The following TCF25 variants were observed in gnomAD, a reference collection of about 807,000 sequenced individuals.
TCF25 encodes the protein TCF25 ribosome quality control complex subunit.
TCF25 carries 41 observed loss-of-function variants against 83.1 expected under a neutral mutation model. The ratio of observed to expected loss-of-function variants is 0.49; its 90% CI spans 0.38 to 0.64. The LOEUF (loss-of-function observed/expected upper bound fraction) is 0.64, where lower values mean the gene tolerates loss of function less well. Among genes scored for constraint, TCF25 ranks in the 30% least tolerant of loss-of-function variants. The pLI, the probability that TCF25 is intolerant of heterozygous loss-of-function variation, is 0.00. For synonymous variants in TCF25, 458 were observed against 365.0 expected (o/e 1.25, Z -2.90); for missense variants, 979 against 914.5 (o/e 1.07, Z -0.91).
intron 12 of TCF25, among the ~76,000 whole-genome samples, chr16:89,901,259 C>T (rs962369791): frequency 7.2e-5 from 11 of 152,264 alleles, no homozygotes; most frequent in Non-Finnish European, 1.6e-4. Context: ...AGCTTCGATC[C>T]ACGCACATGT....
intron 7 of TCF25, 50 bp from the exon 8 acceptor site, chr16:89,894,988 T>C: frequency 6.5e-7 from 1 of 1,547,756 alleles, no homozygotes. Context: ...GCCTGGGAGC[T>C]GGGGCCTTGC....
rs11538871 is a variant in TCF25, at chr16:89,911,337, C to T, written c.*99C>T. 0.069 allele frequency: 101,376 copies of T among 1,477,180 alleles called. 4,156 individuals are homozygous for T. The highest frequency in any genetic ancestry group is 0.084 in the Non-Finnish European group (91,062 of 1,077,942). The allele number at this position is 1,477,180 out of a possible 1,614,324, so 91.5% of individuals were successfully genotyped here. On this transcript the variant is annotated 3_prime_UTR_variant, in exon 18 of 18. Coordinates refer to ENST00000263346, the MANE Select transcript of TCF25 (RefSeq NM_014972.3). ...CCTGAAGTAGGGAAGCTGAGTGTGT[C>T]GCTCCCTGGTCCACTGTTTCTCCTA...
At chr16:89,902,882 G>A (rs575764902) in intron 12 of TCF25, among the ~76,000 whole-genome samples, 220 of 152,242 alleles carry the variant, frequency 1.4e-3, no homozygotes, top group Non-Finnish European at 2.6e-3. Context: ...TCCCTTTCTC[G>A]GTTCTGTGGG....
chr16:89,908,761 TC>T (rs2045283511), intron 16 of TCF25, among the ~76,000 whole-genome samples: 1 of 148,560 alleles, frequency 6.7e-6, no homozygotes, highest in African/African-American at 2.6e-5. Flanking sequence ...ACCTGCCAGC[TC>T]CCAGCTCCCG....
At chr16:89,908,398 T>C (rs965414444) in intron 16 of TCF25, among the ~76,000 whole-genome samples, 374 of 32,292 alleles carry the variant, frequency 0.012, no homozygotes, top group Middle Eastern at 0.065. Flanking sequence ...CCTTCCAGTT[T>C]CCACCTCCCA....
rs558517408 is a variant in TCF25 at position 89,899,685 on chromosome 16, G to A, written c.1221+813G>A. Among the ~76,000 whole-genome samples, 11 of 151,744 alleles carry A rather than the reference G, an allele frequency of 7.2e-5. No individual in the cohort carries two copies. The South Asian group carries it at 1.0e-3, about 14-fold the overall frequency. Reference sequence around the variant, plus strand: ...GGAGGTTGCGGTGAGCCGAGATCGCGCCATTGCACTCCAGTCTGGGCAACC... The same window carrying A: ...GGAGGTTGCGGTGAGCCGAGATCGCACCATTGCACTCCAGTCTGGGCAACC... On this transcript the variant is annotated intron_variant, in intron 11 of 17. Transcript: ENST00000263346.
chr16:89,909,790 G>A (rs753094369), intron 16 of TCF25: 7 of 152,430 alleles, frequency 4.6e-5, no homozygotes, highest in Non-Finnish European at 1.0e-4. Flanking sequence ...GGGTCCTTGT[G>A]TTCCCCAGCA....
At chr16:89,910,933 C>T in intron 17 of TCF25, 147 bp from the exon 18 acceptor site, 1 of 1,189,100 alleles carries the variant, frequency 8.4e-7, no homozygotes, top group Non-Finnish European at 1.2e-6. Flanking sequence ...GTTTTGAGAG[C>T]TTCCTCCTCA....
At chr16:89,897,808 A>G (rs1356292681) in intron 9 of TCF25, among the ~76,000 whole-genome samples, 1 of 147,284 alleles carries the variant, frequency 6.8e-6, no homozygotes, top group Non-Finnish European at 1.5e-5. Context: ...GATAAATAAT[A>G]AACAAAAAAA....
rs528602637 is a variant in TCF25 at position 89,898,515 on chromosome 16, C to T, written c.1023-42C>T. 1.1e-5 allele frequency: 17 copies of T among 1,488,692 alleles called. No homozygotes were observed. The East Asian group carries it at 2.0e-4, about 17-fold the overall frequency. 92.2% of individuals were successfully genotyped at this position (1,488,692 alleles called of 1,614,324 possible). A position where few individuals can be genotyped will look rare whatever the true frequency, so the allele number is the denominator to read the frequency against. ...GGGGCGCTGAGCAGAGAGCATTCTC[C>T]TTTGTGTCGTTGTAATTCATGTGGA... On this transcript the variant is annotated intron_variant, in intron 9 of 17. Transcript: ENST00000263346.
intron 16 of TCF25, chr16:89,909,316 C>G (rs1444159670): frequency 2.4e-6 from 1 of 419,926 alleles, no homozygotes; most frequent in Non-Finnish European, 4.1e-6. Flanking sequence ...TTGAGACCAG[C>G]CTGGCCAACG....
At chr16:89,899,982 C>T (rs1191210899) in intron 11 of TCF25, among the ~76,000 whole-genome samples, 3 of 152,146 alleles carry the variant, frequency 2.0e-5, no homozygotes, top group African/African-American at 4.8e-5. Flanking sequence ...GGAAGTCTCA[C>T]CCCCAGGAAT....
In TCF25 at chr16:89,909,046, C is replaced by T. The variant is rs547433811; in HGVS notation, c.1800-1545C>T. On this transcript the variant is annotated intron_variant, in intron 16 of 17. Transcript: ENST00000263346. ...AGGCCACGTTCTTTCCCATCTCCAC[C>T]GAATGTACAAGCGCTTGCGTGTCGG... 1.4e-4 allele frequency: 179 copies of T among 1,289,520 alleles called. No homozygotes were observed. The African/African-American group carries it at 2.3e-3, about 16-fold the overall frequency. The allele number at this position is 1,289,520 out of a possible 1,614,324, so 79.9% of individuals were successfully genotyped here.
chr16:89,876,181 C>G (rs2042175440), intron 1 of TCF25, among the ~76,000 whole-genome samples: 1 of 152,194 alleles, frequency 6.6e-6, no homozygotes, highest in Non-Finnish European at 1.5e-5. Context: ...TGAATGACTG[C>G]TTATCGTGCT....
intron 1 of TCF25, among the ~76,000 whole-genome samples, chr16:89,875,497 A>C (rs1393534139): frequency 7.2e-6 from 1 of 138,396 alleles, no homozygotes; most frequent in Non-Finnish European, 1.5e-5. Context: ...CTTCACATAG[A>C]TATTCCCTGA....
intron 1 of TCF25, among the ~76,000 whole-genome samples, chr16:89,877,883 G>A (rs2042313890): frequency 6.6e-6 from 1 of 152,086 alleles, no homozygotes; most frequent in East Asian, 1.9e-4. Context: ...TAGACAAATG[G>A]GCAAGTTCCT....
intron 3 of TCF25, among the ~76,000 whole-genome samples, chr16:89,885,415 G>A (rs1015941837): frequency 3.3e-5 from 5 of 152,268 alleles, no homozygotes; most frequent in Non-Finnish European, 5.9e-5. Context: ...ATGCTTATGG[G>A]TTAATTGCAT....
At chr16:89,874,285 G>A (rs1318721578) in intron 1 of TCF25, among the ~76,000 whole-genome samples, 2 of 151,966 alleles carry the variant, frequency 1.3e-5, no homozygotes, top group Admixed American at 6.5e-5. Context: ...GCTGTCGTGG[G>A]GCCGTGACGC....
Position 89,884,663 on chromosome 16 carries a change from G to A in TCF25, c.429+7G>A. 1 of 1,610,892 alleles carries A rather than the reference G, an allele frequency of 6.2e-7. No homozygotes were observed. Among genetic ancestry groups the A allele is most frequent in the Non-Finnish European group, 8.5e-7 (1 of 1,178,228 alleles). ...CAGCACGGGAGAAGCATCGGTACGT[G>A]AGTTGGGCCTGGCTGTGCTCTGTCC... On this transcript the variant is annotated splice_region_variant and intron_variant, in intron 3 of 17. Transcript: ENST00000263346.
Sources: allele counts gnomAD v4.1 joint callset (sites outside exome capture counted in the v4.1 genomes callset), GRCh38; gene constraint gnomAD v4.1.1; transcripts MANE v1.5; gene names NCBI Gene and HGNC (gene_info 2026-07-23, HGNC 2026-07-21).